The following LRRC8D variants were observed in gnomAD, a reference collection of about 807,000 sequenced individuals.
The protein encoded by LRRC8D is leucine rich repeat containing 8 VRAC subunit D, also known as volume-regulated anion channel subunit LRRC8D.
In LRRC8D, 20 loss-of-function variants were observed where a neutral mutation model predicts 55.8. That is an observed-to-expected ratio of 0.36 (90% CI 0.25 to 0.52). The LOEUF (loss-of-function observed/expected upper bound fraction) is 0.52. Ranked by LOEUF, LRRC8D falls within the 20% of genes least tolerant of loss-of-function variation. LRRC8D has a pLI of 0.93. For synonymous variants in LRRC8D, 352 were observed against 377.0 expected, an observed-to-expected ratio of 0.93 and a Z score of 0.77; for missense variants, 651 against 1,030.8, an observed-to-expected ratio of 0.63 and a Z score of 5.05.
At chr1:89,895,049 G>C (rs1557472232) in intron 2 of LRRC8D, among the ~76,000 whole-genome samples, 1 of 145,372 alleles carries the variant, frequency 6.9e-6, no homozygotes, top group African/African-American at 2.5e-5. Context: ...TGATGTCTCA[G>C]TGCCTACAGT....
Position 89,935,186 on chromosome 1 carries a change from A to G in LRRC8D, c.2118A>G (p.Lys706=). 2.5e-6 allele frequency: 4 copies of G among 1,614,202 alleles called. No homozygotes were observed. Among genetic ancestry groups the G allele is most frequent in the Non-Finnish European group, 3.4e-6 (4 of 1,180,028 alleles). The change falls in exon 3 of 3, where the codon AAA becomes AAG. Residue 706 remains lysine (K), a synonymous_variant. Transcript: ENST00000337338. ...VTIPPSITHV[K]NLESLYFSNN... ...TTCCTCCCTCTATTACCCATGTCAA[A>G]AACTTGGAGTCACTTTATTTCTCTA...
chr1:89,864,166 A>T (rs1439808878), intron 2 of LRRC8D, among the ~76,000 whole-genome samples: 1 of 152,168 alleles, frequency 6.6e-6, no homozygotes, highest in African/African-American at 2.4e-5. Flanking sequence ...TTGTCTTTGA[A>T]CCAAGACTTT....
chr1:89,895,795 T>G (rs1367127879), intron 2 of LRRC8D, among the ~76,000 whole-genome samples: 3 of 152,202 alleles, frequency 2.0e-5, no homozygotes, highest in Non-Finnish European at 4.4e-5. Flanking sequence ...TTTATCATGT[T>G]TCTTAAAGCA....
intron 1 of LRRC8D, among the ~76,000 whole-genome samples, chr1:89,831,929 G>A (rs1660896683): frequency 6.6e-6 from 1 of 152,214 alleles, no homozygotes; most frequent in African/African-American, 2.4e-5. Context: ...ATACACAGCA[G>A]TCCCTAGGAA....
At chr1:89,930,211 A>G (rs564248749) in intron 2 of LRRC8D, among the ~76,000 whole-genome samples, 1 of 152,164 alleles carries the variant, frequency 6.6e-6, no homozygotes, top group African/African-American at 2.4e-5. Context: ...GTACTTCATT[A>G]TAAAATGGAG....
chr1:89,841,402 C>CCA (rs1553122464), intron 1 of LRRC8D, among the ~76,000 whole-genome samples: 1 of 151,378 alleles, frequency 6.6e-6, no homozygotes, highest in Non-Finnish European at 1.5e-5. Context: ...GACCACCCCC[C>CCA]CCCTTTTTTT....
At chr1:89,920,316 C>T (rs1288455301) in intron 2 of LRRC8D, among the ~76,000 whole-genome samples, 1 of 152,036 alleles carries the variant, frequency 6.6e-6, no homozygotes, top group African/African-American at 2.4e-5. Flanking sequence ...TTTTATATTT[C>T]ACAAGTTATG....
intron 2 of LRRC8D, among the ~76,000 whole-genome samples, chr1:89,875,393 G>C (rs1309119813): frequency 6.6e-6 from 1 of 152,174 alleles, no homozygotes; most frequent in African/African-American, 2.4e-5. Context: ...TGAATGCCAA[G>C]CAGTGTTTTA....
At chr1:89,928,979 T>TGAG in intron 2 of LRRC8D, among the ~76,000 whole-genome samples, 1 of 152,244 alleles carries the variant, frequency 6.6e-6, no homozygotes, top group Non-Finnish European at 1.5e-5. Context: ...CTGTAGATGT[T>TGAG]AATAAATGTT....
intron 2 of LRRC8D, among the ~76,000 whole-genome samples, chr1:89,926,403 T>C (rs1030545457): frequency 2.0e-5 from 3 of 152,262 alleles, no homozygotes; most frequent in African/African-American, 4.8e-5. Context: ...TTAGATCATC[T>C]CTGCATTCCC....
chr1:89,822,472 C>T (rs983235168), intron 1 of LRRC8D, among the ~76,000 whole-genome samples: 21 of 152,138 alleles, frequency 1.4e-4, no homozygotes, highest in Non-Finnish European at 4.4e-5. Flanking sequence ...ACAAAGAAAA[C>T]TCTGAGGACA....
intron 2 of LRRC8D, among the ~76,000 whole-genome samples, chr1:89,910,526 G>A (rs1663109910): frequency 6.6e-6 from 1 of 152,092 alleles, no homozygotes; most frequent in Non-Finnish European, 1.5e-5. Flanking sequence ...TTCACTTTAA[G>A]GGTTCCTTCT....
At chr1:89,843,443 CCGCG>C (rs1557445994) in intron 1 of LRRC8D, 191 bp from the exon 2 acceptor site, 1 of 381,400 alleles carries the variant, frequency 2.6e-6, no homozygotes. Flanking sequence ...CGGGCCGAGG[CCGCG>C]CCACCTCGGC....
At chr1:89,839,137 T>A (rs547596892) in intron 1 of LRRC8D, among the ~76,000 whole-genome samples, 1 of 152,362 alleles carries the variant, frequency 6.6e-6, no homozygotes, top group African/African-American at 2.4e-5. Context: ...TTCCATTACC[T>A]AAGGCTTTGA....
chr1:89,841,267 C>T (rs1661124129), intron 1 of LRRC8D, among the ~76,000 whole-genome samples: 1 of 152,176 alleles, frequency 6.6e-6, no homozygotes, highest in South Asian at 2.1e-4. Flanking sequence ...CAGTCTTCTT[C>T]CCCGCCCCTG....
intron 1 of LRRC8D, among the ~76,000 whole-genome samples, chr1:89,829,657 G>T (rs972989618): frequency 6.6e-6 from 1 of 152,146 alleles, no homozygotes; most frequent in Non-Finnish European, 1.5e-5. Flanking sequence ...CCTCTGGTTC[G>T]TGCTGCGTGT....
chr1:89,867,458 A>G (rs915987837), intron 2 of LRRC8D, among the ~76,000 whole-genome samples: 1 of 152,156 alleles, frequency 6.6e-6, no homozygotes, highest in African/African-American at 2.4e-5. Flanking sequence ...GATCTCTGGG[A>G]CTTTTTCATC....
intron 2 of LRRC8D, among the ~76,000 whole-genome samples, chr1:89,873,982 A>G (rs1324308277): frequency 6.6e-6 from 1 of 152,218 alleles, no homozygotes; most frequent in Non-Finnish European, 1.5e-5. Context: ...GACCACATGT[A>G]GCAGTAAATG....
intron 1 of LRRC8D, among the ~76,000 whole-genome samples, chr1:89,837,614 CAAT>C (rs568916107): frequency 2.4e-4 from 37 of 152,316 alleles, no homozygotes; most frequent in East Asian, 1.9e-4. Flanking sequence ...ATGAAGATAA[CAAT>C]AACTCCTACC....
Sources: gnomAD v4.1 joint callset for allele counts (sites outside exome capture counted in the v4.1 genomes callset) on GRCh38, gnomAD v4.1.1 for gene constraint, MANE v1.5 for transcripts, NCBI Gene and HGNC (gene_info 2026-07-23, HGNC 2026-07-21) for gene names.